Variants in DGKI observed in about 807,000 individuals in gnomAD.
DGKI encodes the protein DAG kinase iota.
DGKI carries 55 observed loss-of-function variants against 147.5 expected under a neutral mutation model. The observed-to-expected ratio is 0.37, with a 90% CI of 0.30 to 0.47. The LOEUF (loss-of-function observed/expected upper bound fraction) is 0.47, where lower values mean the gene tolerates loss of function less well. Among genes scored for constraint, DGKI ranks in the 20% least tolerant of loss-of-function variants. The pLI, the probability that DGKI is intolerant of heterozygous loss-of-function variation, is 1.00. For synonymous variants in DGKI, 469 were observed against 477.1 expected, an observed-to-expected ratio of 0.98 and a Z score of 0.22; for missense variants, 1,007 against 1,323.8, an observed-to-expected ratio of 0.76 and a Z score of 3.71.
At chr7:137,446,941 A>G (rs1813740926) in intron 27 of DGKI, among the ~76,000 whole-genome samples, 1 of 152,124 alleles carries the variant, frequency 6.6e-6, no homozygotes, top group Non-Finnish European at 1.5e-5. Context: ...TGTATCCCAG[A>G]CTGTTTATTT....
chr7:137,500,745 T>C (rs920316818), intron 21 of DGKI, among the ~76,000 whole-genome samples: 5 of 152,096 alleles, frequency 3.3e-5, no homozygotes, highest in African/African-American at 1.2e-4. Flanking sequence ...TTTTTATTGA[T>C]ACATAATAAT....
At chr7:137,843,950 T>A (rs2117118938) in intron 1 of DGKI, among the ~76,000 whole-genome samples, 1 of 152,168 alleles carries the variant, frequency 6.6e-6, no homozygotes, top group Middle Eastern at 3.4e-3. Flanking sequence ...ATACCCTAAC[T>A]CAGTCCTTTC....
chr7:137,675,830 A>G (rs270899), intron 3 of DGKI, among the ~76,000 whole-genome samples: 68,161 of 152,038 alleles, frequency 0.45, 17,017 homozygotes, highest in African/African-American at 0.68. Context: ...AGTTAGAGTC[A>G]GTGGATTCTA....
At chr7:137,798,577 G>A (rs935724754) in intron 1 of DGKI, among the ~76,000 whole-genome samples, 17 of 151,870 alleles carry the variant, frequency 1.1e-4, no homozygotes, top group South Asian at 4.1e-4. Context: ...GCACCATCAC[G>A]CCTAGCTAAT....
chr7:137,800,607 C>A (rs1044080704), intron 1 of DGKI, among the ~76,000 whole-genome samples: 1 of 152,146 alleles, frequency 6.6e-6, no homozygotes, highest in Non-Finnish European at 1.5e-5. Flanking sequence ...TCTTTTTTTA[C>A]AAATTACCTA....
At chr7:137,584,757 C>T (rs1220520695) in intron 14 of DGKI, among the ~76,000 whole-genome samples, 1 of 151,968 alleles carries the variant, frequency 6.6e-6, no homozygotes. Flanking sequence ...TCTTCAAGTC[C>T]CACCCAAGTG....
chr7:137,420,591 A>G (rs1812526777), intron 28 of DGKI, among the ~76,000 whole-genome samples: 1 of 151,980 alleles, frequency 6.6e-6, no homozygotes, highest in Non-Finnish European at 1.5e-5. Flanking sequence ...AAGGATGAAA[A>G]CTGCTTTTCT....
chr7:137,492,431 G>T (rs191559853), intron 21 of DGKI, among the ~76,000 whole-genome samples: 1 of 152,152 alleles, frequency 6.6e-6, no homozygotes, highest in Admixed American at 6.5e-5. Flanking sequence ...CTGGGTTTAA[G>T]GGGGAGGAAG....
chr7:137,583,151 G>A (rs1819264448), intron 14 of DGKI, among the ~76,000 whole-genome samples: 1 of 152,130 alleles, frequency 6.6e-6, no homozygotes, highest in Non-Finnish European at 1.5e-5. Flanking sequence ...GGTCTCTAAT[G>A]AAAGTAAGGA....
At chr7:137,496,344 T>A (rs548337829) in intron 21 of DGKI, among the ~76,000 whole-genome samples, 3 of 152,110 alleles carry the variant, frequency 2.0e-5, no homozygotes, top group Non-Finnish European at 4.4e-5. Context: ...TCCATGCTCA[T>A]GGATAGGAAG....
At chr7:137,513,899 A>T in intron 21 of DGKI, 1 of 711,866 alleles carries the variant, frequency 1.4e-6, no homozygotes, top group South Asian at 1.5e-5. Flanking sequence ...CGCAGGCTGA[A>T]GCGCAAAAGA....
intron 7 of DGKI, among the ~76,000 whole-genome samples, chr7:137,622,916 T>C (rs1019774785): frequency 7.2e-5 from 11 of 152,208 alleles, no homozygotes; most frequent in African/African-American, 2.4e-4. Flanking sequence ...TATGTTCAAA[T>C]GTAAGAAAGA....
At chr7:137,555,066 G>A (rs1314498335) in intron 19 of DGKI, among the ~76,000 whole-genome samples, 2 of 151,354 alleles carry the variant, frequency 1.3e-5, no homozygotes, top group African/African-American at 2.4e-5. Context: ...ACAGGCATGT[G>A]CCACCACACC....
At chr7:137,623,593 C>T (rs369094771) in intron 6 of DGKI, 39 bp from the exon 7 acceptor site, 8 of 1,575,908 alleles carry the variant, frequency 5.1e-6, no homozygotes, top group African/African-American at 1.3e-5. Context: ...TTTAAAACCA[C>T]CTCAGTTACA....
At chr7:137,825,812 T>C (rs1447302763) in intron 1 of DGKI, among the ~76,000 whole-genome samples, 2 of 152,198 alleles carry the variant, frequency 1.3e-5, no homozygotes, top group Non-Finnish European at 2.9e-5. Context: ...TGTTTATGTC[T>C]TTGTCAATCT....
At chr7:137,575,307 G>C (rs1343639743) in intron 17 of DGKI, among the ~76,000 whole-genome samples, 2 of 151,962 alleles carry the variant, frequency 1.3e-5, no homozygotes, top group Admixed American at 1.3e-4. Flanking sequence ...ATCTTTCCTA[G>C]TTATTTGCTG....
intron 1 of DGKI, among the ~76,000 whole-genome samples, chr7:137,781,768 C>A (rs1796524891): frequency 6.6e-6 from 1 of 152,088 alleles, no homozygotes; most frequent in Non-Finnish European, 1.5e-5. Flanking sequence ...TAAGAGTGAC[C>A]GGAATTGCCA....
At chr7:137,683,809 T>G (rs1489582884) in intron 2 of DGKI, among the ~76,000 whole-genome samples, 1 of 151,226 alleles carries the variant, frequency 6.6e-6, no homozygotes, top group Non-Finnish European at 1.5e-5. Context: ...TTTACATTGA[T>G]AGATTTACAT....
intron 8 of DGKI, among the ~76,000 whole-genome samples, chr7:137,610,911 A>G (rs1036252145): frequency 6.6e-6 from 1 of 152,174 alleles, no homozygotes; most frequent in African/African-American, 2.4e-5. Context: ...ATCTGTCCCA[A>G]GGTTTTCTTT....
Sources: gnomAD v4.1 joint callset for allele counts (sites outside exome capture counted in the v4.1 genomes callset) on GRCh38, gnomAD v4.1.1 for gene constraint, MANE v1.5 for transcripts, NCBI Gene and HGNC (gene_info 2026-07-23, HGNC 2026-07-21) for gene names.